LRMDA: variants seen among roughly 807,000 people sequenced by gnomAD.
LRMDA encodes leucine-rich melanocyte differentiation-associated protein.
Under a neutral mutation model 29.8 loss-of-function variants are expected in LRMDA, and 18 were observed. The ratio of observed to expected loss-of-function variants is 0.60; its 90% CI spans 0.42 to 0.90. The LOEUF (loss-of-function observed/expected upper bound fraction) is 0.90. LRMDA is among the 40% of genes least tolerant of loss of function. The pLI, the probability that LRMDA is intolerant of heterozygous loss-of-function variation, is 0.00. For synonymous variants in LRMDA, 125 were observed against 109.4 expected, an observed-to-expected ratio of 1.14 and a Z score of -0.89; for missense variants, 273 against 273.9, an observed-to-expected ratio of 1.00 and a Z score of 0.02.
chr10:75,841,152 A>G (rs1170235388), intron 2 of LRMDA, among the ~76,000 whole-genome samples: 1 of 152,224 alleles, frequency 6.6e-6, no homozygotes, highest in Admixed American at 6.5e-5. Flanking sequence ...TTGAGCCCAC[A>G]TTCTAAAGGC....
chr10:76,155,394 T>C (rs1850519555), intron 5 of LRMDA, among the ~76,000 whole-genome samples: 1 of 152,222 alleles, frequency 6.6e-6, no homozygotes, highest in African/African-American at 2.4e-5. Flanking sequence ...TCAGAGGAGT[T>C]GCTTCTACAA....
At position 75,800,548 on chromosome 10, in the gene LRMDA, C is replaced by T. The variant is rs527547227; in HGVS notation, c.132-235460C>T. Among the ~76,000 whole-genome samples, 17 of 152,002 alleles carry T rather than the reference C, an allele frequency of 1.1e-4. No individual in the cohort carries two copies. The South Asian group carries it at 2.9e-3, about 26-fold the overall frequency. ...CGCCTCCCGCGTTCAAGTGATTCTT[C>T]AAGTGAATTTTTCATTTCAAATATT... On this transcript the variant is annotated intron_variant, in intron 2 of 6. Coordinates refer to ENST00000611255, the MANE Select transcript of LRMDA (RefSeq NM_001305581.2).
At chr10:76,425,700 C>T (rs990198446) in intron 6 of LRMDA, among the ~76,000 whole-genome samples, 2 of 150,850 alleles carry the variant, frequency 1.3e-5, no homozygotes, top group African/African-American at 4.9e-5. Context: ...TGTGCTGCAC[C>T]CATTAACTTG....
intron 6 of LRMDA, among the ~76,000 whole-genome samples, chr10:76,506,703 C>T (rs751081234): frequency 3.9e-5 from 6 of 151,902 alleles, no homozygotes; most frequent in Non-Finnish European, 5.9e-5. Context: ...TTAGTTCCCA[C>T]ATATGAATTA....
At chr10:75,880,235 A>G (rs1845271729) in intron 2 of LRMDA, among the ~76,000 whole-genome samples, 1 of 152,208 alleles carries the variant, frequency 6.6e-6, no homozygotes, top group Admixed American at 6.5e-5. Context: ...TTCTGAATGT[A>G]GAGTGCTTTA....
At chr10:75,439,108 A>G (rs1015094788) in intron 2 of LRMDA, among the ~76,000 whole-genome samples, 7 of 152,164 alleles carry the variant, frequency 4.6e-5, no homozygotes, top group African/African-American at 1.7e-4. Flanking sequence ...GTGATCTTGT[A>G]TATTATTCCA....
At position 75,640,490 on chromosome 10, in the gene LRMDA, T is replaced by C. The variant is rs74444282; in HGVS notation, c.131+201996T>C. 3.7e-3 allele frequency among the ~76,000 whole-genome samples: 569 copies of C among 152,324 alleles called. 2 individuals are homozygous for C. Among genetic ancestry groups the C allele is most frequent in the African/African-American group, 0.013 (545 of 41,566 alleles). On this transcript the variant is annotated intron_variant, in intron 2 of 6. Coordinates refer to ENST00000611255, the MANE Select transcript of LRMDA (RefSeq NM_001305581.2). ...TGCATTCTGTGTATCTGTGTCTGAG[T>C]TTAGATCTGAAATTCTCTTGCTGTG...
chr10:76,050,253 G>T (rs1848507953), intron 4 of LRMDA, among the ~76,000 whole-genome samples: 1 of 152,302 alleles, frequency 6.6e-6, no homozygotes, highest in African/African-American at 2.4e-5. Flanking sequence ...ATTGGAAATG[G>T]CATCACAGAG....
At chr10:76,036,288 A>C (rs935720642) in intron 3 of LRMDA, among the ~76,000 whole-genome samples, 154 bp downstream of exon 3, 1 of 152,118 alleles carries the variant, frequency 6.6e-6, no homozygotes, top group African/African-American at 2.4e-5. Context: ...CAGACAAAGC[A>C]TTCTGTCTTC....
chr10:76,420,894 T>C (rs1842065295), intron 6 of LRMDA, among the ~76,000 whole-genome samples: 1 of 152,148 alleles, frequency 6.6e-6, no homozygotes. Context: ...TGGCACAATT[T>C]CTGCCTTTTC....
intron 5 of LRMDA, among the ~76,000 whole-genome samples, chr10:76,256,771 G>A (rs561268982): frequency 6.6e-6 from 1 of 152,092 alleles, no homozygotes; most frequent in East Asian, 1.9e-4. Context: ...AAGACACATC[G>A]TATTCTATAT....
chr10:75,846,923 C>T (rs1051335909), intron 2 of LRMDA, among the ~76,000 whole-genome samples: 13 of 152,080 alleles, frequency 8.5e-5, no homozygotes, highest in African/African-American at 3.1e-4. Flanking sequence ...GTTAAAATGT[C>T]AATACTACCC....
At chr10:75,959,012 G>C (rs1160388706) in intron 2 of LRMDA, among the ~76,000 whole-genome samples, 1 of 152,130 alleles carries the variant, frequency 6.6e-6, no homozygotes, top group Non-Finnish European at 1.5e-5. Flanking sequence ...CTCCCACCGG[G>C]TCTCTCCCAC....
intron 2 of LRMDA, among the ~76,000 whole-genome samples, chr10:75,943,512 T>C (rs143252471): frequency 6.6e-6 from 1 of 152,314 alleles, no homozygotes; most frequent in African/African-American, 2.4e-5. Context: ...TTTTATGTCA[T>C]TAGAAAGAAA....
chr10:76,170,831 G>A (rs907364193), intron 5 of LRMDA, among the ~76,000 whole-genome samples: 3 of 152,124 alleles, frequency 2.0e-5, no homozygotes, highest in African/African-American at 7.2e-5. Flanking sequence ...ATTTATATGA[G>A]GTTAGAGAGG....
At chr10:76,134,042 G>C (rs1850048539) in intron 5 of LRMDA, among the ~76,000 whole-genome samples, 1 of 152,144 alleles carries the variant, frequency 6.6e-6, no homozygotes, top group Non-Finnish European at 1.5e-5. Flanking sequence ...TCCAGGAACA[G>C]AGAACTGCAT....
chr10:75,927,305 G>T (rs987332962), intron 2 of LRMDA, among the ~76,000 whole-genome samples: 1 of 152,152 alleles, frequency 6.6e-6, no homozygotes, highest in Non-Finnish European at 1.5e-5. Context: ...TGTTAAATTT[G>T]TGCATCCCAT....
intron 2 of LRMDA, among the ~76,000 whole-genome samples, chr10:75,756,695 T>A (rs143942187): frequency 2.4e-4 from 37 of 152,322 alleles, no homozygotes; most frequent in African/African-American, 8.2e-4. Flanking sequence ...TTTGCCTACA[T>A]GTTTTCTCTT....
intron 2 of LRMDA, among the ~76,000 whole-genome samples, chr10:75,499,078 G>T (rs1267637828): frequency 6.6e-6 from 1 of 152,112 alleles, no homozygotes; most frequent in African/African-American, 2.4e-5. Context: ...AGAATGAGGT[G>T]ATGGAGACAG....
Sources: allele counts gnomAD v4.1 joint callset (sites outside exome capture counted in the v4.1 genomes callset), GRCh38; gene constraint gnomAD v4.1.1; transcripts MANE v1.5; gene names NCBI Gene and HGNC (gene_info 2026-07-23, HGNC 2026-07-21).